Variants in DNAH12 observed in about 807,000 individuals in gnomAD.
DNAH12 encodes the protein axonemal beta dynein heavy chain 12.
DNAH12 carries 285 observed loss-of-function variants against 371.5 expected under a neutral mutation model. The ratio of observed to expected loss-of-function variants is 0.77; its 90% CI spans 0.70 to 0.85. DNAH12 has a LOEUF of 0.85. Among genes scored for constraint, DNAH12 ranks in the 40% least tolerant of loss-of-function variants. The probability of loss-of-function intolerance (pLI) is 0.00; values close to 1 mark genes in which losing one functional copy is unlikely to be tolerated. For synonymous variants in DNAH12, 1,200 were observed against 1,213.0 expected (o/e 0.99, Z 0.22); for missense variants, 3,611 against 3,689.4 (o/e 0.98, Z 0.55).
intron 66 of DNAH12, among the ~76,000 whole-genome samples, chr3:57,311,421 T>C (rs1450199901): frequency 2.0e-5 from 3 of 152,208 alleles, no homozygotes; most frequent in Non-Finnish European, 2.9e-5. Flanking sequence ...TCTAATTTTT[T>C]CTGAAATAAA....
intron 58 of DNAH12, among the ~76,000 whole-genome samples, chr3:57,360,067 C>T (rs1252197097): frequency 3.3e-5 from 5 of 152,120 alleles, no homozygotes; most frequent in East Asian, 1.9e-4. Context: ...CCTTTCTCTT[C>T]GAGTCTTAAT....
chr3:57,310,708 C>T lies in DNAH12; in HGVS notation c.10896+9G>A. On this transcript the variant is annotated intron_variant, in intron 67 of 73. Coordinates refer to ENST00000495027, the MANE Select transcript of DNAH12 (RefSeq NM_001366028.2). ...ATTAATCTAACCTTATTTTTGGTGA[C>T]ATCATTACCTTAATGAATTCAATGT... is the stretch of plus-strand genomic sequence containing the variant. 2 of 1,529,206 alleles carry T rather than the reference C, an allele frequency of 1.3e-6. No individual in the cohort carries two copies. The highest frequency in any genetic ancestry group is 1.2e-5 in the South Asian group (1 of 82,952). The allele number at this position is 1,529,206 out of a possible 1,614,324, so 94.7% of individuals were successfully genotyped here. A position where few individuals can be genotyped will look rare whatever the true frequency, so the allele number is the denominator to read the frequency against.
chr3:57,423,458 A>C (rs1016587827), intron 35 of DNAH12, among the ~76,000 whole-genome samples: 3 of 152,214 alleles, frequency 2.0e-5, no homozygotes, highest in African/African-American at 7.2e-5. Flanking sequence ...GAAGGATATA[A>C]AGGCGAAAAA....
chr3:57,391,645 T>C (rs1469468184), intron 45 of DNAH12, among the ~76,000 whole-genome samples: 13 of 152,224 alleles, frequency 8.5e-5, no homozygotes, highest in Non-Finnish European at 1.5e-4. Context: ...GGCTCTCTTA[T>C]ATAATCATGA....
intron 45 of DNAH12, among the ~76,000 whole-genome samples, chr3:57,389,691 T>C (rs1172295717): frequency 6.6e-6 from 1 of 151,090 alleles, no homozygotes; most frequent in African/African-American, 2.4e-5. Context: ...AGACTTTACC[T>C]CAAGACCCAT....
rs1181028234 is a variant in DNAH12, at chr3:57,446,288, G to A, written c.3940-18C>T. ...TTAAAAAACTAAGGACAAAGAAAAAGGAAAGTGATTTTTTTCTCAGGAAAG... is the reference window on the plus strand; with the variant it reads ...TTAAAAAACTAAGGACAAAGAAAAAAGAAAGTGATTTTTTTCTCAGGAAAG... On this transcript the variant is annotated intron_variant, in intron 26 of 73. Transcript: ENST00000495027. 4.5e-6 allele frequency: 7 copies of A among 1,539,778 alleles called. No individual in the cohort carries two copies. Among genetic ancestry groups the A allele is most frequent in the Non-Finnish European group, 5.3e-6 (6 of 1,140,770 alleles).
chr3:57,340,217 A>C (rs1362901213), intron 60 of DNAH12, among the ~76,000 whole-genome samples: 7 of 152,206 alleles, frequency 4.6e-5, no homozygotes, highest in Non-Finnish European at 8.8e-5. Flanking sequence ...TACATTAAAA[A>C]CAGAAAGATT....
intron 20 of DNAH12, among the ~76,000 whole-genome samples, chr3:57,459,330 G>A (rs2065988502): frequency 6.6e-6 from 1 of 152,188 alleles, no homozygotes; most frequent in African/African-American, 2.4e-5. Context: ...AGCAGTGAGT[G>A]TTTATAGTAG....
intron 8 of DNAH12, among the ~76,000 whole-genome samples, chr3:57,505,676 G>A (rs2067731842): frequency 6.6e-6 from 1 of 151,846 alleles, no homozygotes; most frequent in Non-Finnish European, 1.5e-5. Flanking sequence ...CCTGACCTCA[G>A]GTAATCCACC....
At chr3:57,511,858 G>A (rs1232644050) in intron 4 of DNAH12, among the ~76,000 whole-genome samples, 3 of 152,060 alleles carry the variant, frequency 2.0e-5, no homozygotes, top group Non-Finnish European at 2.9e-5. Flanking sequence ...GGAACAACTG[G>A]TTAGCCATTT....
At chr3:57,446,719 T>G (rs540140175) in intron 25 of DNAH12, 30 bp from the exon 26 acceptor site, 2 of 1,452,192 alleles carry the variant, frequency 1.4e-6, no homozygotes, top group Admixed American at 2.7e-5. Flanking sequence ...TGAAAAGAAA[T>G]CCATGCTTAA....
intron 62 of DNAH12, among the ~76,000 whole-genome samples, chr3:57,326,977 T>A (rs1007043392): frequency 5.3e-5 from 8 of 152,134 alleles, no homozygotes; most frequent in African/African-American, 1.9e-4. Flanking sequence ...TATTACATAA[T>A]GGTAAAGGGA....
At chr3:57,518,291 G>C (rs2068275239) in intron 4 of DNAH12, among the ~76,000 whole-genome samples, 1 of 152,208 alleles carries the variant, frequency 6.6e-6, no homozygotes, top group African/African-American at 2.4e-5. Context: ...TTGGGAAGCT[G>C]AAGCAGGTGG....
At chr3:57,470,752 G>C in intron 15 of DNAH12, 116 bp from the exon 16 acceptor site, 1 of 942,468 alleles carries the variant, frequency 1.1e-6, no homozygotes, top group Non-Finnish European at 1.5e-6. Context: ...TTATTTTTAG[G>C]CTGGAGTGCA....
At chr3:57,528,443 G>A (rs1249650436) in intron 2 of DNAH12, among the ~76,000 whole-genome samples, 2 of 151,478 alleles carry the variant, frequency 1.3e-5, no homozygotes, top group African/African-American at 2.4e-5. Flanking sequence ...TAATTCTGCT[G>A]GGCCAGGCGC....
intron 29 of DNAH12, among the ~76,000 whole-genome samples, chr3:57,438,226 G>A (rs111590901): frequency 3.9e-5 from 6 of 152,188 alleles, no homozygotes; most frequent in South Asian, 4.2e-4. Context: ...CAGGAGAATC[G>A]CTTGAACCCG....
At chr3:57,363,241 C>G (rs1335491988) in intron 58 of DNAH12, among the ~76,000 whole-genome samples, 1 of 152,120 alleles carries the variant, frequency 6.6e-6, no homozygotes, top group Admixed American at 6.6e-5. Flanking sequence ...AAAGCTGAAA[C>G]TGGATACCTA....
intron 17 of DNAH12, among the ~76,000 whole-genome samples, chr3:57,466,601 G>A (rs766491414): frequency 6.6e-6 from 1 of 152,180 alleles, no homozygotes. Context: ...CGAGGCACAA[G>A]TGGCTAAATA....
At chr3:57,510,726 G>T in intron 5 of DNAH12, 64 bp downstream of exon 5, 1 of 1,442,942 alleles carries the variant, frequency 6.9e-7, no homozygotes, top group South Asian at 1.2e-5. Context: ...TTCTATTTTT[G>T]ATTCAGTGGG....
Sources: gnomAD v4.1 joint callset for allele counts (sites outside exome capture counted in the v4.1 genomes callset) on GRCh38, gnomAD v4.1.1 for gene constraint, MANE v1.5 for transcripts, NCBI Gene and HGNC (gene_info 2026-07-23, HGNC 2026-07-21) for gene names.